Variants in PARL observed in about 807,000 individuals in gnomAD.
The protein encoded by PARL is presenilin associated rhomboid like, also known as presenilin-associated rhomboid-like protein, mitochondrial.
A neutral mutation model predicts 51.6 loss-of-function variants in PARL; 44 were observed. The observed-to-expected ratio is 0.85, with a 90% CI of 0.67 to 1.10. The LOEUF is 1.10. PARL is among the 50% of genes least tolerant of loss of function. PARL has a pLI of 0.00. For missense variants in PARL, 441 were observed against 469.5 expected (o/e 0.94, Z 0.56); for synonymous variants, 172 against 164.0 (o/e 1.05, Z -0.37).
At chr3:183,862,827 C>A (rs747268148) in intron 3 of PARL, 26 bp from the exon 4 acceptor site, 2 of 1,593,468 alleles carry the variant, frequency 1.3e-6, no homozygotes, top group East Asian at 2.2e-5. Context: ...AATTGCATCA[C>A]CACATGTGAG....
At chr3:183,883,942 T>G (rs1490212995) in intron 1 of PARL, among the ~76,000 whole-genome samples, 1 of 152,230 alleles carries the variant, frequency 6.6e-6, no homozygotes, top group Non-Finnish European at 1.5e-5. Flanking sequence ...TGATAAACAA[T>G]GTTTCTTATC....
chr3:183,842,228 C>A (rs1577302687), intron 6 of PARL, 70 bp downstream of exon 6: 1 of 1,414,850 alleles, frequency 7.1e-7, no homozygotes, highest in Non-Finnish European at 1.0e-6. Context: ...AGTAATCATT[C>A]CCTTTGTCCG....
chr3:183,884,397 C>T (rs2108734910), intron 1 of PARL, among the ~76,000 whole-genome samples: 1 of 152,328 alleles, frequency 6.6e-6, no homozygotes, highest in East Asian at 1.9e-4. Flanking sequence ...GCTGTACTAA[C>T]TTCTTCACTT....
At chr3:183,876,035 T>C (rs1666465476) in intron 1 of PARL, among the ~76,000 whole-genome samples, 1 of 152,150 alleles carries the variant, frequency 6.6e-6, no homozygotes, top group Non-Finnish European at 1.5e-5. Context: ...GTTTATGGAA[T>C]ATTTTTTATT....
At chr3:183,842,700 C>A (rs532699960) in intron 5 of PARL, among the ~76,000 whole-genome samples, 1 of 146,336 alleles carries the variant, frequency 6.8e-6, no homozygotes, top group African/African-American at 2.5e-5. Flanking sequence ...TCCTGCTACT[C>A]GGAAGGCTGA....
intron 4 of PARL, chr3:183,861,068 G>GACCTCAGGTGATCTGCCCGCCTCA (rs1731774239): frequency 6.3e-6 from 1 of 159,604 alleles, no homozygotes; most frequent in African/African-American, 2.4e-5. Context: ...TGCCCGCCTC[G>GACCTCAGGTGATCTGCCCGCCTCA]GCCTCCCAAA....
chr3:183,863,148 A>C (rs1355975816), intron 3 of PARL, among the ~76,000 whole-genome samples: 1 of 152,228 alleles, frequency 6.6e-6, no homozygotes, highest in Non-Finnish European at 1.5e-5. Flanking sequence ...ACAGATACAG[A>C]CAGGTACCAA....
chr3:183,840,709 CTTTTT>C (rs34558001), intron 6 of PARL, 69 bp from the exon 7 acceptor site: 1 of 608,670 alleles, frequency 1.6e-6, no homozygotes, highest in East Asian at 3.2e-5. Context: ...TTTTTCTTTT[CTTTTT>C]TTTTTTTTTG....
intron 1 of PARL, among the ~76,000 whole-genome samples, chr3:183,878,540 T>C (rs138105881): frequency 2.6e-5 from 4 of 152,304 alleles, no homozygotes; most frequent in African/African-American, 9.6e-5. Context: ...TTAAAAGTCC[T>C]ACACCATGGC....
chr3:183,846,197 A>T (rs569178222), intron 4 of PARL, among the ~76,000 whole-genome samples: 69 of 152,282 alleles, frequency 4.5e-4, no homozygotes, highest in African/African-American at 1.6e-3. Flanking sequence ...ATGAAAAAAA[A>T]TGAAAGATAA....
At chr3:183,828,741 G>A (rs1238442072), downstream of PARL, among the ~76,000 whole-genome samples, 1 of 152,130 alleles carries the variant, frequency 6.6e-6, no homozygotes, top group Non-Finnish European at 1.5e-5. Flanking sequence ...CAGGGCCTTC[G>A]ATCCTCCCAG....
In PARL at chr3:183,862,734, C is replaced by T. The variant is rs1356791577; in HGVS notation, c.511+19G>A. The T allele has an allele frequency of 1.3e-5, 21 of 1,604,060 alleles. No homozygotes were observed. Among genetic ancestry groups the T allele is most frequent in the African/African-American group, 8.0e-5 (6 of 74,734 alleles). On this transcript the variant is annotated intron_variant, in intron 4 of 9. Coordinates refer to ENST00000317096, the MANE Select transcript of PARL (RefSeq NM_018622.7). ...TTTCTCTTCCCTTGAATGGTTAAAA[C>T]GTGTAAGCTAACACAAACCTGTCAC...
intron 1 of PARL, among the ~76,000 whole-genome samples, chr3:183,880,520 G>C (rs1734322427): frequency 6.6e-6 from 1 of 151,892 alleles, no homozygotes; most frequent in Non-Finnish European, 1.5e-5. Flanking sequence ...TCCTTCCTCA[G>C]CCTCCCAAGT....
intron 1 of PARL, 33 bp downstream of exon 1, chr3:183,884,689 G>A: frequency 6.3e-7 from 1 of 1,576,452 alleles, no homozygotes; most frequent in African/African-American, 1.3e-5. Flanking sequence ...CAGGGACCAA[G>A]AGGCGAGAAG....
chr3:183,833,066 G>T lies in PARL; in HGVS notation c.1028+426C>A, dbSNP rs56675354. ...CTCTACTCCAGTCATACAGAGCAAT[G>T]GCTCCGCCAACTCAGCATGTCTAAA... On this transcript the variant is annotated intron_variant, in intron 9 of 9. Coordinates refer to ENST00000317096, the MANE Select transcript of PARL (RefSeq NM_018622.7). Among the ~76,000 whole-genome samples, 84 of 152,264 alleles carry T rather than the reference G, an allele frequency of 5.5e-4. 1 individual carries two copies. Among genetic ancestry groups the T allele is most frequent in the African/African-American group, 1.6e-3 (67 of 41,516 alleles).
At chr3:183,833,860 C>T in intron 7 of PARL, 35 bp from the exon 8 acceptor site, 3 of 1,273,704 alleles carry the variant, frequency 2.4e-6, no homozygotes, top group Non-Finnish European at 3.5e-6. Flanking sequence ...ATGGGAAACT[C>T]AATATGCAAC....
chr3:183,846,733 T>C, intron 4 of PARL: 1 of 399,806 alleles, frequency 2.5e-6, no homozygotes, highest in Non-Finnish European at 3.4e-6. Context: ...ATCCCATATA[T>C]GTATACTTAT....
At chr3:183,877,081 G>A (rs59024903) in intron 1 of PARL, among the ~76,000 whole-genome samples, 17 of 152,324 alleles carry the variant, frequency 1.1e-4, no homozygotes, top group African/African-American at 4.1e-4. Flanking sequence ...GGGCATGGTG[G>A]TGGGTGCCTG....
chr3:183,861,269 A>G (rs1169566932), intron 4 of PARL: 2 of 975,488 alleles, frequency 2.1e-6, no homozygotes, highest in Admixed American at 1.2e-4. Context: ...AAAAATCTCA[A>G]TCCCTTGGTT....
Sources: allele counts gnomAD v4.1 joint callset (sites outside exome capture counted in the v4.1 genomes callset), GRCh38; gene constraint gnomAD v4.1.1; transcripts MANE v1.5; gene names NCBI Gene and HGNC (gene_info 2026-07-23, HGNC 2026-07-21).